The following PLA1A variants were observed in gnomAD, a reference collection of about 807,000 sequenced individuals.
PLA1A encodes phospholipase A1 member A, also known as phosphatidylserine-specific phospholipase A1alpha.
PLA1A carries 47 observed loss-of-function variants against 49.4 expected under a neutral mutation model. The ratio of observed to expected loss-of-function variants is 0.95; its 90% CI spans 0.75 to 1.21. The LOEUF is 1.21. PLA1A is among the 50% of genes most tolerant of loss of function. PLA1A has a pLI of 0.00. For missense variants in PLA1A, 561 were observed against 563.9 expected (o/e 0.99, Z 0.05); for synonymous variants, 224 against 207.9 (o/e 1.08, Z -0.67).
chr3:119,629,614 C>T lies in PLA1A; in HGVS notation c.*146C>T. 1.7e-6 allele frequency: 1 copy of T among 603,026 alleles called. No homozygotes were observed. Among genetic ancestry groups the T allele is most frequent in the Non-Finnish European group, 3.0e-6 (1 of 338,652 alleles). 37.4% of individuals were successfully genotyped at this position (603,026 alleles called of 1,614,324 possible). A position where few individuals can be genotyped will look rare whatever the true frequency, so the allele number is the denominator to read the frequency against. On this transcript the variant is annotated 3_prime_UTR_variant, in exon 11 of 11. Coordinates refer to ENST00000273371, the MANE Select transcript of PLA1A (RefSeq NM_015900.4). ...TCTTTCTTATTTTCCTCATAATCAGCTACCCTGGAGGGGAGGGAGAACTCA... is the reference window on the plus strand; with the variant it reads ...TCTTTCTTATTTTCCTCATAATCAGTTACCCTGGAGGGGAGGGAGAACTCA...
At chr3:119,606,673 C>T in intron 1 of PLA1A, 101 bp from the exon 2 acceptor site, 1 of 801,794 alleles carries the variant, frequency 1.2e-6, no homozygotes, top group Non-Finnish European at 2.0e-6. Context: ...CCCATGCCTG[C>T]AGGCCCCTGT....
At chr3:119,617,370 A>C (rs576044111) in intron 6 of PLA1A, among the ~76,000 whole-genome samples, 1 of 152,074 alleles carries the variant, frequency 6.6e-6, no homozygotes, top group Admixed American at 6.5e-5. Context: ...ATGCACAAAT[A>C]CCCATTTTGA....
intron 1 of PLA1A, among the ~76,000 whole-genome samples, chr3:119,599,155 T>C (rs911055249): frequency 3.3e-5 from 5 of 152,218 alleles, no homozygotes; most frequent in African/African-American, 1.2e-4. Flanking sequence ...TGTTTCTTTG[T>C]AGCTATGTGA....
chr3:119,619,562 G>A lies in PLA1A; in HGVS notation c.923-1G>A, dbSNP rs1364212242. The A allele has an allele frequency of 6.2e-7, 1 of 1,610,894 alleles. No homozygotes were observed. Among genetic ancestry groups the A allele is most frequent in the South Asian group, 1.1e-5 (1 of 91,040 alleles). ...TGCTGTCTTTGCTTCTTTATTTCCAGGACTGGTGGAACAAGGTGGTGTCAA... is the reference window on the plus strand; with the variant it reads ...TGCTGTCTTTGCTTCTTTATTTCCAAGACTGGTGGAACAAGGTGGTGTCAA... On this transcript the variant is annotated splice_acceptor_variant, in intron 7 of 10. Coordinates refer to ENST00000273371, the MANE Select transcript of PLA1A (RefSeq NM_015900.4). LOFTEE classifies it high-confidence loss of function.
chr3:119,613,180 GC>G (rs1234553852), intron 5 of PLA1A, 62 bp downstream of exon 5: 1 of 1,123,922 alleles, frequency 8.9e-7, no homozygotes, highest in African/African-American at 1.5e-5. Flanking sequence ...TAGGAGGCTG[GC>G]ATCTAGCTCT....
chr3:119,617,049 G>C (rs3772131), intron 6 of PLA1A, among the ~76,000 whole-genome samples: 46,585 of 152,128 alleles, frequency 0.31, 7,602 homozygotes, highest in East Asian at 0.41. Flanking sequence ...GAGGTCTCAA[G>C]GTGCAGGGAG....
At chr3:119,605,256 C>T (rs932085459) in intron 1 of PLA1A, among the ~76,000 whole-genome samples, 1 of 152,224 alleles carries the variant, frequency 6.6e-6, no homozygotes, top group Non-Finnish European at 1.5e-5. Flanking sequence ...GCCTCCAAAC[C>T]TGCCTGCTTG....
intron 1 of PLA1A, among the ~76,000 whole-genome samples, chr3:119,604,003 C>T (rs911864057): frequency 1.3e-5 from 2 of 152,206 alleles, no homozygotes; most frequent in Non-Finnish European, 2.9e-5. Context: ...ATTTTAACAA[C>T]CCAAGTGCTG....
At chr3:119,623,536 G>C (rs2082973625) in intron 8 of PLA1A, among the ~76,000 whole-genome samples, 1 of 152,032 alleles carries the variant, frequency 6.6e-6, no homozygotes, top group African/African-American at 2.4e-5. Flanking sequence ...CTATGTTGGC[G>C]ACACTCACTT....
At chr3:119,607,104 C>T in intron 2 of PLA1A, 129 bp downstream of exon 2, 1 of 730,258 alleles carries the variant, frequency 1.4e-6, no homozygotes, top group Non-Finnish European at 2.4e-6. Context: ...TCCCTCATAT[C>T]CTGCTGTCTT....
chr3:119,603,334 G>C (rs1314949244), intron 1 of PLA1A, among the ~76,000 whole-genome samples: 1 of 152,206 alleles, frequency 6.6e-6, no homozygotes, highest in Non-Finnish European at 1.5e-5. Flanking sequence ...TCATTCTGAT[G>C]GTCAAGCCAA....
rs750275676 is a variant in PLA1A, at chr3:119,625,138, G to A, written c.1027G>A (p.Val343Met). ...TGGTTTCCTAGTGCATCACAGCCTC[G>A]TGGAGTTTCACTTGAAGGAACTGAG... Reference protein sequence around the residue: ...SAPYCMHHSLVEFHLKELRNK... With the variant: ...SAPYCMHHSLMEFHLKELRNK... The change falls in exon 9 of 11, where the codon GTG (valine) becomes ATG (methionine). Residue 343 changes from valine to methionine, a missense_variant. Physicochemically the swap from Val to Met is conservative, Grantham distance 21. Coordinates refer to ENST00000273371, the MANE Select transcript of PLA1A (RefSeq NM_015900.4). 25 of 1,612,562 alleles carry A rather than the reference G, an allele frequency of 1.6e-5. No homozygotes were observed. In the East Asian group the frequency reaches 2.0e-4, roughly 13 times the overall value.
At chr3:119,612,679 G>C (rs2082784768) in intron 4 of PLA1A, among the ~76,000 whole-genome samples, 1 of 152,074 alleles carries the variant, frequency 6.6e-6, no homozygotes, top group Non-Finnish European at 1.5e-5. Flanking sequence ...TAGTAGAGAC[G>C]GGGTTGCACC....
At chr3:119,620,011 G>A in intron 8 of PLA1A, 1 of 463,604 alleles carries the variant, frequency 2.2e-6, no homozygotes. Flanking sequence ...CACCCTGGCA[G>A]CCTCCAAGGT....
intron 5 of PLA1A, among the ~76,000 whole-genome samples, 177 bp from the exon 6 acceptor site, chr3:119,615,829 AAAAAAG>A (rs562617484): frequency 4.9e-5 from 7 of 144,316 alleles, no homozygotes; most frequent in African/African-American, 1.7e-4. Context: ...CCTCAGAAAA[AAAAAAG>A]AAAAAGAAAA....
rs1018369402 is a variant in PLA1A at position 119,613,211 on chromosome 3, C to A, written c.664+93C>A. 1.3e-4 allele frequency: 102 copies of A among 757,286 alleles called. 1 individual carries two copies. The East Asian group carries it at 2.8e-3, about 21-fold the overall frequency. The allele number at this position is 757,286 out of a possible 1,614,324, so 46.9% of individuals were successfully genotyped here. On this transcript the variant is annotated intron_variant, in intron 5 of 10. Coordinates refer to ENST00000273371, the MANE Select transcript of PLA1A (RefSeq NM_015900.4). ...AGCTCTGTGGCCCTGGGCAGAGATGCCCTGACCCTCTCTGAGCTTCTGTTG... is the reference window on the plus strand; with the variant it reads ...AGCTCTGTGGCCCTGGGCAGAGATGACCTGACCCTCTCTGAGCTTCTGTTG...
At position 119,608,867 on chromosome 3, in the gene PLA1A, T is replaced by G. The variant is rs750986427; in HGVS notation, c.373T>G (p.Ser125Ala). The part of the protein sequence containing the change: ...NVIAVDWIYG[S>A]TGVYFSAVKN... ...GATTGCCGTGGACTGGATTTATGGG[T>G]CTACAGGAGTCTACTTCTCAGCTGT... Residue 125 changes from serine (S) to alanine (A), a missense_variant, in exon 3 of 11, where the codon TCT (serine) becomes GCT (alanine). Ser to Ala is a moderately conservative substitution (Grantham distance 99). Transcript: ENST00000273371. 15 of 1,613,686 alleles carry G rather than the reference T, an allele frequency of 9.3e-6. No homozygotes were observed. The South Asian group carries it at 1.6e-4, about 18-fold the overall frequency.
chr3:119,627,040 C>A (rs572869336), intron 9 of PLA1A, among the ~76,000 whole-genome samples: 1 of 152,180 alleles, frequency 6.6e-6, no homozygotes, highest in Non-Finnish European at 1.5e-5. Context: ...AAAATACTGA[C>A]GCCAAGCCCC....
intron 4 of PLA1A, among the ~76,000 whole-genome samples, chr3:119,609,885 A>G (rs1317595776): frequency 1.3e-5 from 2 of 152,180 alleles, no homozygotes; most frequent in African/African-American, 4.8e-5. Context: ...TGGGTGTAGC[A>G]TGTGATGCTG....
Sources: gnomAD v4.1 joint callset for allele counts (sites outside exome capture counted in the v4.1 genomes callset) on GRCh38, gnomAD v4.1.1 for gene constraint, MANE v1.5 for transcripts, NCBI Gene and HGNC (gene_info 2026-07-23, HGNC 2026-07-21) for gene names.